ADAMTSL3: variants seen among roughly 807,000 people sequenced by gnomAD.
ADAMTSL3 encodes ADAMTS-like protein 3.
Under a neutral mutation model 201.7 loss-of-function variants are expected in ADAMTSL3, and 128 were observed. That is an observed-to-expected ratio of 0.63 (90% CI 0.55 to 0.73). The LOEUF is 0.73. Ranked by LOEUF, ADAMTSL3 falls within the 30% of genes least tolerant of loss-of-function variation. ADAMTSL3 has a pLI of 0.00. For synonymous variants in ADAMTSL3, 738 were observed against 748.4 expected, an observed-to-expected ratio of 0.99 and a Z score of 0.23; for missense variants, 1,990 against 2,119.6, an observed-to-expected ratio of 0.94 and a Z score of 1.20.
At chr15:83,946,083 A>G in intron 19 of ADAMTSL3, among the ~76,000 whole-genome samples, 1 of 152,180 alleles carries the variant, frequency 6.6e-6, no homozygotes, top group East Asian at 1.9e-4. Context: ...GCAGCGAGGG[A>G]GCACCTAGAA....
Position 83,655,735 on chromosome 15 carries a change from A to T in ADAMTSL3, c.-27A>T. 6.2e-7 allele frequency: 1 copy of T among 1,612,780 alleles called. No individual in the cohort carries two copies. Among genetic ancestry groups the T allele is most frequent in the Non-Finnish European group, 8.5e-7 (1 of 1,178,924 alleles). The stretch of plus-strand genomic sequence containing the variant: ...ACTCTTTCCTCGTTTGTAGGCTACA[A>T]CTGAGACCCGGAGGAGACTAGACCC... On this transcript the variant is annotated 5_prime_UTR_variant, in exon 2 of 30. Transcript: ENST00000286744.
intron 2 of ADAMTSL3, among the ~76,000 whole-genome samples, chr15:83,687,936 T>C (rs1220240777): frequency 6.6e-6 from 1 of 152,054 alleles, no homozygotes; most frequent in Non-Finnish European, 1.5e-5. Context: ...AAAAATTCAG[T>C]GGATGAGTTG....
At chr15:83,660,676 T>G (rs1172312580) in intron 2 of ADAMTSL3, among the ~76,000 whole-genome samples, 1 of 152,218 alleles carries the variant, frequency 6.6e-6, no homozygotes. Flanking sequence ...CTTAGGAAGA[T>G]CCAGTTTTGG....
At chr15:83,915,459 C>G (rs2066017727) in intron 16 of ADAMTSL3, among the ~76,000 whole-genome samples, 2 of 151,724 alleles carry the variant, frequency 1.3e-5, no homozygotes, top group Admixed American at 1.3e-4. Flanking sequence ...GCCCTAGATT[C>G]CACCTCTAGG....
intron 6 of ADAMTSL3, among the ~76,000 whole-genome samples, chr15:83,821,326 G>T (rs1031851818): frequency 2.7e-5 from 4 of 150,494 alleles, no homozygotes; most frequent in Non-Finnish European, 5.9e-5. Flanking sequence ...AATAGTGGAG[G>T]GAAGGTCAGC....
At chr15:83,869,445 T>C (rs1488226076) in intron 8 of ADAMTSL3, among the ~76,000 whole-genome samples, 1 of 152,206 alleles carries the variant, frequency 6.6e-6, no homozygotes, top group African/African-American at 2.4e-5. Flanking sequence ...GCATTATTCT[T>C]CGACCACTAA....
chr15:83,966,595 A>C (rs972950362), intron 19 of ADAMTSL3, among the ~76,000 whole-genome samples: 1 of 152,188 alleles, frequency 6.6e-6, no homozygotes, highest in Non-Finnish European at 1.5e-5. Context: ...ATTCCACCAG[A>C]GGTACAAAGA....
chr15:83,786,104 A>G (rs998685142), intron 4 of ADAMTSL3, among the ~76,000 whole-genome samples: 9 of 152,100 alleles, frequency 5.9e-5, no homozygotes, highest in African/African-American at 2.2e-4. Flanking sequence ...AGCCTCCCAG[A>G]GTGCTGGGAT....
intron 17 of ADAMTSL3, among the ~76,000 whole-genome samples, chr15:83,924,536 ATAT>A (rs1441606954): frequency 2.6e-5 from 4 of 152,130 alleles, no homozygotes; most frequent in Non-Finnish European, 4.4e-5. Context: ...GTGGGGTATA[ATAT>A]TATAAACCCC....
At chr15:83,986,296 A>G (rs72748648) in intron 21 of ADAMTSL3, among the ~76,000 whole-genome samples, 11,011 of 152,178 alleles carry the variant, frequency 0.072, 533 homozygotes, top group Non-Finnish European at 0.1. Flanking sequence ...AAGTACTACA[A>G]TGATATAGAG....
At chr15:83,800,771 C>T (rs900898886) in intron 4 of ADAMTSL3, among the ~76,000 whole-genome samples, 2 of 152,176 alleles carry the variant, frequency 1.3e-5, no homozygotes, top group African/African-American at 4.8e-5. Flanking sequence ...AGCTGCAAGT[C>T]AGCATGGTAC....
intron 8 of ADAMTSL3, among the ~76,000 whole-genome samples, chr15:83,865,530 G>T (rs544388646): frequency 0.012 from 1,852 of 152,158 alleles, 19 homozygotes; most frequent in African/African-American, 0.03. Flanking sequence ...CCCTATTTAA[G>T]AAATGGTGCT....
chr15:83,974,748 A>G (rs1359962151), intron 20 of ADAMTSL3, among the ~76,000 whole-genome samples: 2 of 152,218 alleles, frequency 1.3e-5, no homozygotes, highest in Non-Finnish European at 2.9e-5. Flanking sequence ...GATAACAGAA[A>G]TATGTAGTGT....
intron 19 of ADAMTSL3, among the ~76,000 whole-genome samples, chr15:83,966,078 G>A (rs2067077804): frequency 6.6e-6 from 1 of 152,140 alleles, no homozygotes; most frequent in Non-Finnish European, 1.5e-5. Flanking sequence ...ATAGGAGAAA[G>A]CAGAAAAGTC....
chr15:83,674,662 T>C (rs1049957463), intron 2 of ADAMTSL3, among the ~76,000 whole-genome samples: 1 of 149,214 alleles, frequency 6.7e-6, no homozygotes, highest in African/African-American at 2.4e-5. Flanking sequence ...TATACACATA[T>C]ATACATATAT....
chr15:83,970,677 T>C (rs1237792830), intron 20 of ADAMTSL3, 40 bp downstream of exon 20: 5 of 1,605,788 alleles, frequency 3.1e-6, no homozygotes, highest in Non-Finnish European at 4.3e-6. Context: ...GATATGCTGA[T>C]TCTGTTCATT....
Position 84,036,923 on chromosome 15 carries a change from G to A in ADAMTSL3, c.4905G>A (p.Lys1635=). The A allele has an allele frequency of 6.2e-7, 1 of 1,614,134 alleles. No individual in the cohort carries two copies. Reference sequence around the variant, plus strand: ...CAAGGAGTTGCAAACCTGTGGCCAAGAGACACTGTGTACAGAAAAAGAAAC... The same window carrying A: ...CAAGGAGTTGCAAACCTGTGGCCAAAAGACACTGTGTACAGAAAAAGAAAC... ...IHTRSCKPVA[K]RHCVQKKKPI... The change falls in exon 29 of 30, where the codon AAG becomes AAA. Residue 1635 remains lysine (K), a synonymous_variant. Transcript: ENST00000286744.
At chr15:83,728,711 C>T (rs2062219729) in intron 3 of ADAMTSL3, among the ~76,000 whole-genome samples, 1 of 151,908 alleles carries the variant, frequency 6.6e-6, no homozygotes, top group Non-Finnish European at 1.5e-5. Context: ...CTGTCTATGT[C>T]CTGAAAAGTT....
At chr15:83,832,572 A>C (rs559882331) in intron 6 of ADAMTSL3, among the ~76,000 whole-genome samples, 2 of 152,272 alleles carry the variant, frequency 1.3e-5, no homozygotes, top group South Asian at 4.2e-4. Context: ...CTTCAGCAGG[A>C]TAATGTTCAC....
Sources: gnomAD v4.1 joint callset for allele counts (sites outside exome capture counted in the v4.1 genomes callset) on GRCh38, gnomAD v4.1.1 for gene constraint, MANE v1.5 for transcripts, NCBI Gene and HGNC (gene_info 2026-07-23, HGNC 2026-07-21) for gene names.